DNAH11: variants seen among roughly 807,000 people sequenced by gnomAD.
DNAH11 encodes dynein axonemal heavy chain 11.
A neutral mutation model predicts 526.0 loss-of-function variants in DNAH11; 442 were observed. That is an observed-to-expected ratio of 0.84 (90% CI 0.78 to 0.91). DNAH11 has a LOEUF of 0.91. DNAH11 is among the 40% of genes least tolerant of loss of function. The pLI is 0.00. For missense variants in DNAH11, 6,989 were observed against 5,448.7 expected (o/e 1.28, Z -8.90); for synonymous variants, 2,461 against 1,935.9 (o/e 1.27, Z -7.12).
At chr7:21,705,583 G>C (rs376993737) in intron 39 of DNAH11, 46 bp downstream of exon 39, 11 of 1,584,284 alleles carry the variant, frequency 6.9e-6, no homozygotes, top group Non-Finnish European at 8.7e-6. Flanking sequence ...AAGAACATTT[G>C]TTGTCATTGT....
chr7:21,592,788 G>A (rs1239634724), intron 14 of DNAH11, among the ~76,000 whole-genome samples: 1 of 152,204 alleles, frequency 6.6e-6, no homozygotes, highest in Non-Finnish European at 1.5e-5. Flanking sequence ...GAGAAGTCAA[G>A]GATGATTTCA....
At chr7:21,836,776 C>T (rs1290031708) in intron 65 of DNAH11, among the ~76,000 whole-genome samples, 1 of 151,996 alleles carries the variant, frequency 6.6e-6, no homozygotes, top group Non-Finnish European at 1.5e-5. Context: ...TTCTGCACAA[C>T]AAAGGAAATA....
At chr7:21,837,646 G>A (rs937750357) in intron 65 of DNAH11, among the ~76,000 whole-genome samples, 14 of 151,992 alleles carry the variant, frequency 9.2e-5, no homozygotes, top group Non-Finnish European at 1.8e-4. Flanking sequence ...ATAGATCATC[G>A]TTACTTTTTT....
intron 61 of DNAH11, 23 bp downstream of exon 61, chr7:21,789,365 A>T (rs1386010769): frequency 6.5e-7 from 1 of 1,529,282 alleles, no homozygotes; most frequent in East Asian, 2.4e-5. Flanking sequence ...TATGACATTG[A>T]AAAGGTTCCC....
Position 21,543,050 on chromosome 7 carries a change from T to C in DNAH11, c.-196T>C, listed in dbSNP as rs1228129555. Among the ~76,000 whole-genome samples the C allele has an allele frequency of 6.6e-6, 1 of 152,154 alleles. No individual in the cohort carries two copies. Among genetic ancestry groups the C allele is most frequent in the Non-Finnish European group, 1.5e-5 (1 of 68,016 alleles). ...GGGACGCGCTGCTTGTCCCAGGCCT[T>C]CGCTTCGGCCTGCGAGGCTACAGCT... On this transcript the variant is annotated 5_prime_UTR_variant, in exon 1 of 82. Transcript: ENST00000409508.
In DNAH11 at chr7:21,656,433, CATAA is replaced by C. The variant is rs569287697; in HGVS notation, c.5094+458_5094+461del. Among the ~76,000 whole-genome samples the C allele has an allele frequency of 7.9e-5, 12 of 152,318 alleles. No individual in the cohort carries two copies. In the East Asian group the frequency reaches 2.3e-3, roughly 29 times the overall value. On this transcript the variant is annotated intron_variant, in intron 29 of 81. Transcript: ENST00000409508. ...ATTGTGAATGTTATAAATGGCTCCTCATAAATAAAGTTGATCGAGTCTAGCAAGC... is the reference window on the plus strand; with the variant it reads ...ATTGTGAATGTTATAAATGGCTCCTCATAAAGTTGATCGAGTCTAGCAAGC...
intron 65 of DNAH11, among the ~76,000 whole-genome samples, chr7:21,836,294 C>G (rs1257697348): frequency 2.6e-5 from 4 of 151,888 alleles, no homozygotes; most frequent in East Asian, 1.9e-4. Context: ...AATAGCCAAA[C>G]CAACCTTGAG....
chr7:21,831,758 A>C (rs1026109883), intron 65 of DNAH11, among the ~76,000 whole-genome samples: 3 of 152,166 alleles, frequency 2.0e-5, no homozygotes, highest in African/African-American at 7.2e-5. Context: ...CATCTTACGG[A>C]GGTTAACTCA....
At chr7:21,877,874 CAAAAAAAAAA>C (rs59694030) in intron 74 of DNAH11, among the ~76,000 whole-genome samples, 1 of 66,608 alleles carries the variant, frequency 1.5e-5, no homozygotes, top group Non-Finnish European at 2.5e-5. Context: ...GACTCCATCT[CAAAAAAAAAA>C]AAAAAAAAAA....
At chr7:21,638,101 A>G (rs2128460025) in intron 27 of DNAH11, among the ~76,000 whole-genome samples, 1 of 152,324 alleles carries the variant, frequency 6.6e-6, no homozygotes, top group East Asian at 1.9e-4. Context: ...CTGAGGGAGC[A>G]CAGCAGCATT....
At chr7:21,853,058 A>G (rs1267463013) in intron 67 of DNAH11, among the ~76,000 whole-genome samples, 3 of 152,222 alleles carry the variant, frequency 2.0e-5, no homozygotes, top group African/African-American at 7.2e-5. Context: ...CTGCCGTGGC[A>G]GGATACCGAG....
chr7:21,811,616 A>T (rs1789527913), intron 63 of DNAH11, among the ~76,000 whole-genome samples: 1 of 152,166 alleles, frequency 6.6e-6, no homozygotes, highest in Non-Finnish European at 1.5e-5. Context: ...CAGTTTGGGA[A>T]CATGAAAAAG....
rs754477751 is a variant in DNAH11, at chr7:21,704,495, T to G, written c.6335T>G (p.Val2112Gly). Reference protein sequence around the residue: ...MPKIVTDDIPVFLGLVGDLFP... With the variant: ...MPKIVTDDIPGFLGLVGDLFP... ...AAAATAGTGACTGACGACATCCCAG[T>G]GTTTCTGGGCCTGGTCGGTGACCTG... Residue 2112 changes from valine (V) to glycine (G), a missense_variant, in exon 38 of 82, where the codon GTG becomes GGG. By Grantham distance (109) the Val-to-Gly change is moderately radical (BLOSUM62 -3). Coordinates refer to ENST00000409508, the MANE Select transcript of DNAH11 (RefSeq NM_001277115.2). 6.2e-7 allele frequency: 1 copy of G among 1,613,824 alleles called. No individual in the cohort carries two copies. Among genetic ancestry groups the G allele is most frequent in the Non-Finnish European group, 8.5e-7 (1 of 1,179,834 alleles).
chr7:21,778,015 A>G (rs1487142012), intron 56 of DNAH11, among the ~76,000 whole-genome samples: 2 of 152,190 alleles, frequency 1.3e-5, no homozygotes, highest in African/African-American at 4.8e-5. Context: ...CTTTTGGAAA[A>G]GAAGTGCAGT....
chr7:21,683,560 C>T (rs558080460), intron 31 of DNAH11, among the ~76,000 whole-genome samples: 3 of 152,172 alleles, frequency 2.0e-5, no homozygotes, highest in Admixed American at 1.3e-4. Context: ...TGAAGAAATT[C>T]ATATTGTTTT....
chr7:21,656,313 G>A (rs1257597794), intron 29 of DNAH11, among the ~76,000 whole-genome samples: 6 of 152,140 alleles, frequency 3.9e-5, no homozygotes, highest in Non-Finnish European at 7.4e-5. Context: ...AGAGTATTCT[G>A]TTTTCACCAC....
chr7:21,885,998 T>C (rs574525975), intron 76 of DNAH11, among the ~76,000 whole-genome samples: 23 of 152,148 alleles, frequency 1.5e-4, no homozygotes, highest in Non-Finnish European at 2.2e-4. Context: ...ATGCTCTCTC[T>C]CCCTCATGGC....
At position 21,626,477 on chromosome 7, in the gene DNAH11, T is replaced by C. The variant is rs1204766237; in HGVS notation, c.4500+6399T>C. On this transcript the variant is annotated intron_variant, in intron 25 of 81. Coordinates refer to ENST00000409508, the MANE Select transcript of DNAH11 (RefSeq NM_001277115.2). ...TTCTTTCTTTTGGGTATATACCTAG[T>C]AGTGGAATTGCTGGATTACATTTTT... 3.9e-5 allele frequency among the ~76,000 whole-genome samples: 6 copies of C among 152,156 alleles called. No individual in the cohort carries two copies. In the East Asian group the frequency reaches 1.2e-3, roughly 29 times the overall value.
chr7:21,789,393 T>G, intron 61 of DNAH11, 51 bp downstream of exon 61: 1 of 1,292,014 alleles, frequency 7.7e-7, no homozygotes, highest in South Asian at 1.4e-5. Context: ...GGTCGCTGCC[T>G]CCACCTTAGG....
Sources: gnomAD v4.1 joint callset for allele counts (sites outside exome capture counted in the v4.1 genomes callset) on GRCh38, gnomAD v4.1.1 for gene constraint, MANE v1.5 for transcripts, NCBI Gene and HGNC (gene_info 2026-07-23, HGNC 2026-07-21) for gene names.